The following GLI3 variants were observed in gnomAD, a reference collection of about 807,000 sequenced individuals.
The protein encoded by GLI3 is transcription activator GLI3.
GLI3 carries 20 observed loss-of-function variants against 100.8 expected under a neutral mutation model. The observed-to-expected ratio is 0.20, with a 90% CI of 0.14 to 0.29. The LOEUF is 0.29. GLI3 is among the 10% of genes least tolerant of loss of function. The pLI is 1.00. For missense variants in GLI3, 2,040 were observed against 2,128.5 expected, an observed-to-expected ratio of 0.96 and a Z score of 0.82; for synonymous variants, 938 against 860.5, an observed-to-expected ratio of 1.09 and a Z score of -1.58.
chr7:41,972,201 T>TC lies in GLI3; in HGVS notation c.2103+135dup. ...ATCGACTTCACGTAAGCAATACGGGTCACTGCCCTCATCGCCTCCTCAGAT... is the reference window on the plus strand; with the variant it reads ...ATCGACTTCACGTAAGCAATACGGGTCCACTGCCCTCATCGCCTCCTCAGAT... On this transcript the variant is annotated intron_variant, in intron 13 of 14. Coordinates refer to ENST00000395925, the MANE Select transcript of GLI3 (RefSeq NM_000168.6). This position sits in a 1 kb window ranked among gnomAD's most constrained non-coding sequence, Gnocchi z 4.4. The TC allele has an allele frequency of 1.2e-6, 1 of 840,198 alleles. No homozygotes were observed. Among genetic ancestry groups the TC allele is most frequent in the Middle Eastern group, 3.4e-4 (1 of 2,926 alleles). The allele number at this position is 840,198 out of a possible 1,614,324, so 52.0% of individuals were successfully genotyped here.
Position 42,184,699 on chromosome 7 carries a change from T to A in GLI3, c.125-36231A>T, listed in dbSNP as rs375361378. ...GCGCTCAGCCCATGCAAGGATTGCC[T>A]GTGCCACAGAGAGCTGCTTTGAGCA... On this transcript the variant is annotated intron_variant, in intron 2 of 14. Transcript: ENST00000395925. 1.4e-4 allele frequency among the ~76,000 whole-genome samples: 21 copies of A among 152,298 alleles called. No individual in the cohort carries two copies. In the East Asian group the frequency reaches 3.9e-3, roughly 28 times the overall value.
chr7:42,130,541 G>A (rs1786250733), intron 3 of GLI3, among the ~76,000 whole-genome samples: 2 of 152,108 alleles, frequency 1.3e-5, no homozygotes, highest in African/African-American at 2.4e-5. Context: ...ATAATGTGGA[G>A]CAATGAAAAA....
chr7:42,088,876 T>A (rs1785159141), intron 3 of GLI3, among the ~76,000 whole-genome samples: 1 of 152,166 alleles, frequency 6.6e-6, no homozygotes, highest in Admixed American at 6.5e-5. Flanking sequence ...GGCCTCAAGC[T>A]CTCTTGCGCA....
chr7:42,047,519 AG>A (rs1431810945), intron 5 of GLI3, among the ~76,000 whole-genome samples: 1 of 152,206 alleles, frequency 6.6e-6, no homozygotes, highest in East Asian at 1.9e-4. Flanking sequence ...TGTAATTAAT[AG>A]GTGATGCAAT....
chr7:42,001,851 A>G (rs1456623667), intron 10 of GLI3, among the ~76,000 whole-genome samples: 1 of 152,208 alleles, frequency 6.6e-6, no homozygotes, highest in Admixed American at 6.5e-5. Context: ...GAAAAGACAG[A>G]AGGTAAAAAA....
rs1787140779 is a variant in GLI3, at chr7:41,965,471, G to T, written c.3602C>A (p.Pro1201Gln). Residue 1201 changes from proline to glutamine, a missense_variant, in exon 15 of 15, where the codon CCG becomes CAG. Physicochemically the swap from Pro to Gln is moderately conservative, Grantham distance 76. Transcript: ENST00000395925. ...FGFCNGMVVHPQNPLRSGPAG... is the reference protein window; with the variant it reads ...FGFCNGMVVHQQNPLRSGPAG... ...AGGCCCGCTCCTCAAGGGGTTCTGC[G>T]GGTGGACGACCATGCCGTTGCAGAA... 6.2e-7 allele frequency: 1 copy of T among 1,609,012 alleles called. No homozygotes were observed. The highest frequency in any genetic ancestry group is 1.3e-5 in the African/African-American group (1 of 74,858).
rs1240029412 is a variant in GLI3 at position 42,261,844 on chromosome 7, A to T, written c.-43+2150T>A. On this transcript the variant is annotated intron_variant, in intron 1 of 2. Transcript: ENST00000678978. ...GGTTGACCCTGGCATCATAAGGAAC[A>T]GTCTTTGTTTTCTTTCCTTCCCTTC... Among the ~76,000 whole-genome samples, 4 of 147,760 alleles carry T rather than the reference A, an allele frequency of 2.7e-5. No individual in the cohort carries two copies. The East Asian group carries it at 7.8e-4, about 29-fold the overall frequency.
intron 3 of GLI3, among the ~76,000 whole-genome samples, chr7:42,097,112 T>C (rs1479633092): frequency 6.6e-6 from 1 of 152,118 alleles, no homozygotes; most frequent in Non-Finnish European, 1.5e-5. Flanking sequence ...CAGACAGAGA[T>C]AGAAGGAGTT....
intron 3 of GLI3, among the ~76,000 whole-genome samples, chr7:42,144,162 A>T (rs1786643042): frequency 6.6e-6 from 1 of 152,240 alleles, no homozygotes; most frequent in Non-Finnish European, 1.5e-5. Flanking sequence ...AATGCATGGC[A>T]GTCAATGAAA....
chr7:42,087,343 CA>C (rs1785124033), intron 3 of GLI3, among the ~76,000 whole-genome samples: 1 of 152,168 alleles, frequency 6.6e-6, no homozygotes, highest in Non-Finnish European at 1.5e-5. Context: ...CAAGGCCCAG[CA>C]GATGCATGCA....
intron 3 of GLI3, among the ~76,000 whole-genome samples, chr7:42,104,768 A>G (rs1785538976): frequency 6.6e-6 from 1 of 152,114 alleles, no homozygotes; most frequent in Non-Finnish European, 1.5e-5. Context: ...TGGAGCCCTT[A>G]TGAATGGGGT....
chr7:42,195,046 C>T (rs1001363790), intron 2 of GLI3, among the ~76,000 whole-genome samples: 1 of 152,096 alleles, frequency 6.6e-6, no homozygotes, highest in African/African-American at 2.4e-5. Flanking sequence ...GGATTACAGG[C>T]ATGAGCCACT....
chr7:42,082,219 G>A (rs1457245478), intron 3 of GLI3, among the ~76,000 whole-genome samples: 1 of 151,984 alleles, frequency 6.6e-6, no homozygotes. Flanking sequence ...ATAGTAGAGA[G>A]GCAGCCCAGG....
chr7:41,978,207 G>A (rs1430142080), intron 11 of GLI3, among the ~76,000 whole-genome samples: 4 of 152,206 alleles, frequency 2.6e-5, no homozygotes. Context: ...ATACGCCTAT[G>A]CCTGAGGACT....
intron 2 of GLI3, among the ~76,000 whole-genome samples, chr7:42,167,069 C>T (rs1368651385): frequency 3.3e-5 from 5 of 152,056 alleles, no homozygotes; most frequent in Admixed American, 2.6e-4. Context: ...TCAGGTGATC[C>T]GCCCACTTCG....
At chr7:42,078,350 G>A (rs1784924645) in intron 3 of GLI3, among the ~76,000 whole-genome samples, 1 of 152,038 alleles carries the variant, frequency 6.6e-6, no homozygotes. Flanking sequence ...CCCTTGTTTT[G>A]ATTTTGTCCC....
intron 6 of GLI3, among the ~76,000 whole-genome samples, chr7:42,044,682 TG>T (rs766795931): frequency 5.3e-5 from 8 of 152,190 alleles, no homozygotes; most frequent in Non-Finnish European, 1.0e-4. Flanking sequence ...ACTGTCTTAG[TG>T]GAATACAATT....
intron 10 of GLI3, among the ~76,000 whole-genome samples, chr7:41,982,243 C>T (rs953411968): frequency 6.6e-6 from 1 of 152,152 alleles, no homozygotes; most frequent in Non-Finnish European, 1.5e-5. Context: ...TTAAATGCTG[C>T]ACAGAGGATG....
intron 1 of GLI3, among the ~76,000 whole-genome samples, chr7:42,256,614 ACT>A (rs1273987422): frequency 3.9e-5 from 6 of 152,196 alleles, no homozygotes; most frequent in Non-Finnish European, 8.8e-5. Context: ...ATATTTCTGG[ACT>A]ATCAAGTGTA....
Sources: gnomAD v4.1 joint callset for allele counts (sites outside exome capture counted in the v4.1 genomes callset) on GRCh38, gnomAD v4.1.1 for gene constraint, Gnocchi (gnomAD v3.1) non-coding constraint, MANE v1.5 for transcripts, NCBI Gene and HGNC (gene_info 2026-07-23, HGNC 2026-07-21) for gene names.